PCDHGA1: variants seen among roughly 807,000 people sequenced by gnomAD.
PCDHGA1 encodes the protein protocadherin gamma subfamily A, 1.
Under a neutral mutation model 58.0 loss-of-function variants are expected in PCDHGA1, and 32 were observed. The observed-to-expected ratio is 0.55, with a 90% CI of 0.42 to 0.74. The LOEUF (loss-of-function observed/expected upper bound fraction) is 0.74. Among genes scored for constraint, PCDHGA1 ranks in the 30% least tolerant of loss-of-function variants. PCDHGA1 has a pLI of 0.00. For synonymous variants in PCDHGA1, 498 were observed against 501.1 expected (o/e 0.99, Z 0.08); for missense variants, 1,205 against 1,182.3 (o/e 1.02, Z -0.28).
rs182004159 is a variant in PCDHGA1, at chr5:141,355,552, C to A, written c.2421+22447C>A. On this transcript the variant is annotated intron_variant, in intron 1 of 3. Transcript: ENST00000517417. ...TCTAGAAGATACAGTGAAGATTTTG[C>A]GGGTAGAGGTGGAAATAATCGATGT... The A allele has an allele frequency of 3.6e-5, 58 of 1,613,938 alleles. No individual in the cohort carries two copies. In the East Asian group the frequency reaches 1.2e-3, roughly 33 times the overall value.
At chr5:141,361,459 A>G in intron 1 of PCDHGA1, 4 of 1,614,028 alleles carry the variant, frequency 2.5e-6, no homozygotes, top group East Asian at 4.5e-5. Flanking sequence ...CACCCTGCAC[A>G]TCTCCGACGT....
chr5:141,466,118 G>A lies in PCDHGA1; in HGVS notation c.2422-28689G>A, dbSNP rs1299389265. ...GCCTGGGCAACAGAGTGAGACTCCA[G>A]CTCAAAAAAAAAATCAAGTGAAAAC... On this transcript the variant is annotated intron_variant, in intron 1 of 3. Coordinates refer to ENST00000517417, the MANE Select transcript of PCDHGA1 (RefSeq NM_018912.3). Among the ~76,000 whole-genome samples the A allele has an allele frequency of 2.0e-5, 3 of 151,096 alleles. No individual in the cohort carries two copies. The East Asian group carries it at 5.8e-4, about 29-fold the overall frequency.
At chr5:141,452,193 G>A (rs764434048) in intron 1 of PCDHGA1, among the ~76,000 whole-genome samples, 3 of 151,990 alleles carry the variant, frequency 2.0e-5, no homozygotes, top group Admixed American at 6.6e-5. Context: ...ACCTCAAATT[G>A]TTTTAGATGT....
rs1435378035 is a variant in PCDHGA1 at position 141,355,865 on chromosome 5, G to A, written c.2421+22760G>A. 15 of 1,612,534 alleles carry A rather than the reference G, an allele frequency of 9.3e-6. No individual in the cohort carries two copies. The highest frequency in any genetic ancestry group is 1.3e-5 in the African/African-American group (1 of 74,890). On this transcript the variant is annotated intron_variant, in intron 1 of 3. Transcript: ENST00000517417. ...GCCTTCGATGGAGGTGACCCGGTTC[G>A]CTCTGGCACTGCCAGGATTCTCATA... is the stretch of plus-strand genomic sequence containing the variant.
intron 1 of PCDHGA1, chr5:141,389,967 G>C: frequency 8.7e-6 from 14 of 1,614,046 alleles, no homozygotes; most frequent in Non-Finnish European, 1.1e-5. Context: ...GGTGGCCTTG[G>C]CCTTGATCTC....
chr5:141,400,448 A>G (rs750585724), intron 1 of PCDHGA1: 1 of 1,614,078 alleles, frequency 6.2e-7, no homozygotes, highest in Non-Finnish European at 8.5e-7. Flanking sequence ...TCAGGACAAG[A>G]CATACTTTGT....
intron 1 of PCDHGA1, among the ~76,000 whole-genome samples, chr5:141,347,284 G>A (rs573152867): frequency 6.6e-6 from 1 of 151,940 alleles, no homozygotes; most frequent in Admixed American, 6.6e-5. Flanking sequence ...CTCCCGAGTA[G>A]CTGGGACTAC....
chr5:141,460,582 G>A (rs1246329967), intron 1 of PCDHGA1, among the ~76,000 whole-genome samples: 2 of 152,022 alleles, frequency 1.3e-5, no homozygotes, highest in South Asian at 4.1e-4. Context: ...GTAGGTGTGG[G>A]TTTTTTCTGG....
chr5:141,402,892 A>G, intron 1 of PCDHGA1: 10 of 1,498,814 alleles, frequency 6.7e-6, no homozygotes, highest in Non-Finnish European at 8.9e-6. Flanking sequence ...GGTGGAAGAA[A>G]GAACCTGATG....
chr5:141,376,796 C>G (rs1030059088), intron 1 of PCDHGA1: 1 of 345,194 alleles, frequency 2.9e-6, no homozygotes, highest in South Asian at 3.6e-5. Flanking sequence ...ACGCCATTCT[C>G]CTGCCTCAGC....
At chr5:141,401,728 T>G (rs1476616709) in intron 1 of PCDHGA1, among the ~76,000 whole-genome samples, 2 of 152,174 alleles carry the variant, frequency 1.3e-5, no homozygotes, top group Non-Finnish European at 2.9e-5. Context: ...AAACTACTAG[T>G]CTTGTGTACA....
chr5:141,421,231 G>T (rs1368484504), intron 1 of PCDHGA1: 1 of 1,590,694 alleles, frequency 6.3e-7, no homozygotes, highest in South Asian at 1.1e-5. Context: ...GCCTGCCATG[G>T]CGAATCGGCT....
At chr5:141,340,264 C>T (rs151082079) in intron 1 of PCDHGA1, 3 of 1,614,074 alleles carry the variant, frequency 1.9e-6, no homozygotes, top group Non-Finnish European at 1.7e-6. Context: ...GGAACCCCTC[C>T]CTGTCCACGG....
intron 1 of PCDHGA1, chr5:141,395,039 T>A: frequency 6.2e-7 from 1 of 1,614,020 alleles, no homozygotes; most frequent in Non-Finnish European, 8.5e-7. Context: ...ATTTTGTGGG[T>A]GTTGAGGAGG....
At chr5:141,474,652 T>C (rs962582027) in intron 1 of PCDHGA1, among the ~76,000 whole-genome samples, 1 of 152,206 alleles carries the variant, frequency 6.6e-6, no homozygotes, top group African/African-American at 2.4e-5. Context: ...TCCTTACTTC[T>C]TTTCTACCTA....
rs1758946839 is a variant in PCDHGA1 at position 141,352,203 on chromosome 5, C to T, written c.2421+19098C>T. On this transcript the variant is annotated intron_variant, in intron 1 of 3. Transcript: ENST00000517417. ...GTCGCTGTGCGTGATGGAGGACAGC[C>T]GCCACTCTCCGCCACCGCCACGCTG... The T allele has an allele frequency of 6.2e-7, 1 of 1,614,014 alleles. No homozygotes were observed. The highest frequency in any genetic ancestry group is 8.5e-7 in the Non-Finnish European group (1 of 1,179,902).
chr5:141,510,272 TA>T (rs546154379), intron 3 of PCDHGA1, among the ~76,000 whole-genome samples: 4,704 of 130,308 alleles, frequency 0.036, 80 homozygotes, highest in South Asian at 0.057. Flanking sequence ...GACTCCATCT[TA>T]AAAAAAAAAA....
intron 1 of PCDHGA1, among the ~76,000 whole-genome samples, chr5:141,347,820 G>C (rs1321611329): frequency 6.6e-6 from 1 of 151,918 alleles, no homozygotes; most frequent in Admixed American, 6.6e-5. Flanking sequence ...TGGTCAAATG[G>C]TTTTACCTAT....
At chr5:141,424,577 A>T (rs958508704) in intron 1 of PCDHGA1, 1 of 152,206 alleles carries the variant, frequency 6.6e-6, no homozygotes, top group Non-Finnish European at 1.5e-5. Context: ...ACCTATTTTC[A>T]AATGTGCTAA....
Sources: allele counts gnomAD v4.1 joint callset (sites outside exome capture counted in the v4.1 genomes callset), GRCh38; gene constraint gnomAD v4.1.1; transcripts MANE v1.5; gene names NCBI Gene and HGNC (gene_info 2026-07-23, HGNC 2026-07-21).